ATL2: variants seen among roughly 807,000 people sequenced by gnomAD.
ATL2 encodes atlastin GTPase 2, also known as atlastin-2.
A neutral mutation model predicts 73.9 loss-of-function variants in ATL2; 31 were observed. The observed-to-expected ratio is 0.42, with a 90% confidence interval of 0.32 to 0.57. The LOEUF (loss-of-function observed/expected upper bound fraction) is 0.57. ATL2 is among the 20% of genes least tolerant of loss of function. ATL2 has a pLI of 0.14. For synonymous variants in ATL2, 291 were observed against 237.5 expected (o/e 1.23, Z -2.07); for missense variants, 738 against 702.6 (o/e 1.05, Z -0.57).
At chr2:38,365,210 T>G (rs941593693) in intron 1 of ATL2, among the ~76,000 whole-genome samples, 1 of 149,270 alleles carries the variant, frequency 6.7e-6, no homozygotes, top group African/African-American at 2.5e-5. Context: ...CACACAAATT[T>G]AGAATATTTA....
At chr2:38,332,344 C>G (rs1422015827) in intron 2 of ATL2, among the ~76,000 whole-genome samples, 1 of 151,998 alleles carries the variant, frequency 6.6e-6, no homozygotes, top group Non-Finnish European at 1.5e-5. Flanking sequence ...GTAGCTGGAA[C>G]TACAGATACA....
chr2:38,328,062 C>A (rs1287386046), intron 2 of ATL2, among the ~76,000 whole-genome samples: 35 of 152,224 alleles, frequency 2.3e-4, no homozygotes, highest in Non-Finnish European at 1.5e-5. Flanking sequence ...ACATACCATG[C>A]CAACACTAAT....
chr2:38,335,499 C>G (rs980918467), intron 2 of ATL2, among the ~76,000 whole-genome samples: 2 of 152,134 alleles, frequency 1.3e-5, no homozygotes, highest in Non-Finnish European at 2.9e-5. Context: ...AGTACATACT[C>G]TATGATTACA....
At chr2:38,367,613 AAAACCGC>A (rs1671412704) in intron 1 of ATL2, among the ~76,000 whole-genome samples, 4 of 147,570 alleles carry the variant, frequency 2.7e-5, no homozygotes, top group Non-Finnish European at 4.5e-5. Flanking sequence ...AAAAAAAAAA[AAAACCGC>A]CCATTTAAAA....
At chr2:38,351,482 C>CAT (rs1192611132) in intron 1 of ATL2, among the ~76,000 whole-genome samples, 1 of 149,376 alleles carries the variant, frequency 6.7e-6, no homozygotes. Flanking sequence ...AAAAATTATA[C>CAT]ATATATATAT....
chr2:38,316,968 T>G (rs150775910), intron 4 of ATL2, among the ~76,000 whole-genome samples: 4 of 152,180 alleles, frequency 2.6e-5, no homozygotes, highest in Non-Finnish European at 5.9e-5. Flanking sequence ...CAGCGTCACT[T>G]AGTGGGTAAT....
Position 38,300,348 on chromosome 2 carries a change from G to A in ATL2, c.1072-20C>T. ...GTAAGCCTAAAAAGGGAGAAGATTT[G>A]TTAGACTGACGGATTATGCAATTTG... On this transcript the variant is annotated intron_variant, in intron 9 of 12. Transcript: ENST00000378954. 1.9e-6 allele frequency: 3 copies of A among 1,584,082 alleles called. No homozygotes were observed. Among genetic ancestry groups the A allele is most frequent in the Non-Finnish European group, 1.7e-6 (2 of 1,153,510 alleles).
intron 1 of ATL2, among the ~76,000 whole-genome samples, chr2:38,373,217 A>C (rs1440626409): frequency 6.6e-6 from 1 of 152,202 alleles, no homozygotes; most frequent in Non-Finnish European, 1.5e-5. Flanking sequence ...TGATTAAAGA[A>C]GCATTGCCGC....
At chr2:38,357,336 T>TA (rs1670728480) in intron 1 of ATL2, among the ~76,000 whole-genome samples, 1 of 144,906 alleles carries the variant, frequency 6.9e-6, no homozygotes, top group Non-Finnish European at 1.5e-5. Context: ...CAAAAATAAA[T>TA]AAATAAAATA....
At chr2:38,310,576 G>A in intron 7 of ATL2, 129 bp from the exon 8 acceptor site, 1 of 586,122 alleles carries the variant, frequency 1.7e-6, no homozygotes, top group Non-Finnish European at 2.6e-6. Context: ...AGTCTTTTTT[G>A]ACAATACAAA....
intron 6 of ATL2, among the ~76,000 whole-genome samples, chr2:38,313,758 A>T (rs904182483): frequency 1.3e-5 from 2 of 152,142 alleles, no homozygotes; most frequent in African/African-American, 4.8e-5. Flanking sequence ...TGTCCTGTGT[A>T]TTGTAGAACG....
chr2:38,376,134 T>A, intron 1 of ATL2: 1 of 1,527,192 alleles, frequency 6.5e-7, no homozygotes, highest in Middle Eastern at 1.7e-4. Context: ...AGGCTTTTAC[T>A]ATTTATAAGC....
chr2:38,298,037 T>C (rs1666986496), intron 12 of ATL2, 107 bp downstream of exon 12: 2 of 1,012,212 alleles, frequency 2.0e-6, no homozygotes, highest in South Asian at 1.7e-5. Flanking sequence ...AGACATCCTT[T>C]TGACATTCCT....
At chr2:38,371,999 C>G (rs1264455171) in intron 1 of ATL2, among the ~76,000 whole-genome samples, 3 of 152,004 alleles carry the variant, frequency 2.0e-5, no homozygotes, top group Non-Finnish European at 4.4e-5. Context: ...TTGCAGAACT[C>G]AAGTTAAAAT....
chr2:38,299,345 CCATT>C lies in ATL2; in HGVS notation c.1129-22_1129-19del, dbSNP rs573577871. 1,313 of 1,516,650 alleles carry C rather than the reference CCATT, an allele frequency of 8.7e-4. 1 individual carries two copies. Among genetic ancestry groups the C allele is most frequent in the Non-Finnish European group, 8.2e-4 (942 of 1,145,240 alleles). The allele number at this position is 1,516,650 out of a possible 1,614,324, so 93.9% of individuals were successfully genotyped here. On this transcript the variant is annotated intron_variant, in intron 10 of 12. Coordinates refer to ENST00000378954, the MANE Select transcript of ATL2 (RefSeq NM_001135673.4). The stretch of plus-strand genomic sequence containing the variant: ...GCTGTTGCCTAAAAAATAAAATATG[CCATT>C]ATTATGCAAAAAATACTCTATGACT...
chr2:38,369,138 T>C (rs1671517814), intron 1 of ATL2, among the ~76,000 whole-genome samples: 1 of 152,042 alleles, frequency 6.6e-6, no homozygotes, highest in Admixed American at 6.6e-5. Flanking sequence ...TCTGAATGGA[T>C]CTAGCTTTTT....
rs187883124 is a variant in ATL2 at position 38,321,486 on chromosome 2, C to T, written c.364-2467G>A. The stretch of plus-strand genomic sequence containing the variant: ...GAATCAGAAGATTATTTTGACACTC[C>T]CCGGACAAGTAAAACTGGTGATCCT... On this transcript the variant is annotated intron_variant, in intron 2 of 12. Transcript: ENST00000378954. 1.8e-3 allele frequency among the ~76,000 whole-genome samples: 275 copies of T among 152,196 alleles called. 1 individual carries two copies. Among genetic ancestry groups the T allele is most frequent in the South Asian group, 8.1e-3 (39 of 4,816 alleles).
At chr2:38,309,002 T>C (rs1667600275) in intron 9 of ATL2, among the ~76,000 whole-genome samples, 1 of 152,022 alleles carries the variant, frequency 6.6e-6, no homozygotes, top group Non-Finnish European at 1.5e-5. Context: ...GCTGTTCTTA[T>C]CAAGTCCTCA....
rs1558377929 is a variant in ATL2 at position 38,295,963 on chromosome 2, A to G, written c.*31T>C. 2 of 1,484,948 alleles carry G rather than the reference A, an allele frequency of 1.3e-6. No individual in the cohort carries two copies. The highest frequency in any genetic ancestry group is 4.9e-5 in the East Asian group (2 of 40,468). The allele number at this position is 1,484,948 out of a possible 1,614,324, so 92.0% of individuals were successfully genotyped here. On this transcript the variant is annotated 3_prime_UTR_variant, in exon 13 of 13. Transcript: ENST00000378954. ...CATTGTACAGCAAGCATGAAAAAAA[A>G]AGAGAGTGGAGTCCGTGAGGAGATG...
Sources: gnomAD v4.1 joint callset for allele counts (sites outside exome capture counted in the v4.1 genomes callset) on GRCh38, gnomAD v4.1.1 for gene constraint, MANE v1.5 for transcripts, NCBI Gene and HGNC (gene_info 2026-07-23, HGNC 2026-07-21) for gene names.